CALCOCO2: variants seen among roughly 807,000 people sequenced by gnomAD.
CALCOCO2 encodes the protein calcium binding and coiled-coil domain 2.
Under a neutral mutation model 62.5 loss-of-function variants are expected in CALCOCO2, and 42 were observed. The observed-to-expected ratio is 0.67, with a 90% CI of 0.53 to 0.87. The LOEUF (loss-of-function observed/expected upper bound fraction) is 0.87. CALCOCO2 is among the 40% of genes least tolerant of loss of function. The pLI, the probability that CALCOCO2 is intolerant of heterozygous loss-of-function variation, is 0.00. For missense variants in CALCOCO2, 456 were observed against 515.0 expected (o/e 0.89, Z 1.11); for synonymous variants, 167 against 173.0 (o/e 0.97, Z 0.27).
In CALCOCO2 at chr17:48,863,975, A is replaced by G. The variant is rs1297315944; in HGVS notation, c.*970A>G. 1.3e-5 allele frequency: 2 copies of G among 152,150 alleles called. No homozygotes were observed. The highest frequency in any genetic ancestry group is 1.9e-4 in the East Asian group (1 of 5,194). The allele number at this position is 152,150 out of a possible 1,614,324, so 9.4% of individuals were successfully genotyped here. A position where few individuals can be genotyped will look rare whatever the true frequency, so the allele number is the denominator to read the frequency against. The stretch of plus-strand genomic sequence containing the variant: ...CTCTTCACCTGTCTTAAGATTAAAT[A>G]AAAAAGAGTGTCCTGGCAGTTATCT... On this transcript the variant is annotated 3_prime_UTR_variant, in exon 13 of 13. Transcript: ENST00000258947.
At chr17:48,851,433 T>G in intron 6 of CALCOCO2, 126 bp from the exon 7 acceptor site, 1 of 675,674 alleles carries the variant, frequency 1.5e-6, no homozygotes, top group Non-Finnish European at 2.7e-6. Flanking sequence ...AGGACTGCAA[T>G]GGAGACTAGT....
chr17:48,850,780 C>A (rs2040117242), intron 5 of CALCOCO2, among the ~76,000 whole-genome samples: 2 of 151,678 alleles, frequency 1.3e-5, no homozygotes, highest in Admixed American at 1.3e-4. Flanking sequence ...TGACCAGGCG[C>A]AGTGGCTCAT....
At chr17:48,849,784 A>G (rs1025854950) in intron 5 of CALCOCO2, among the ~76,000 whole-genome samples, 4 of 152,012 alleles carry the variant, frequency 2.6e-5, no homozygotes, top group African/African-American at 9.7e-5. Context: ...GATTATAGGC[A>G]TGAGCCACCG....
chr17:48,863,443 C>T lies in CALCOCO2; in HGVS notation c.*438C>T, dbSNP rs2040355251. The stretch of plus-strand genomic sequence containing the variant: ...GTCCGAGGTTGAGAATTCCTTCCTC[C>T]TCATCCTTGGTGTTGCTTTCTCCAA... On this transcript the variant is annotated 3_prime_UTR_variant, in exon 13 of 13. Coordinates refer to ENST00000258947, the MANE Select transcript of CALCOCO2 (RefSeq NM_005831.5). The T allele has an allele frequency of 5.9e-6, 1 of 170,790 alleles. No homozygotes were observed. The highest frequency in any genetic ancestry group is 5.5e-5 in the Admixed American group (1 of 18,186). The allele number at this position is 170,790 out of a possible 1,614,324, so 10.6% of individuals were successfully genotyped here.
At chr17:48,862,184 A>G in intron 11 of CALCOCO2, 92 bp from the exon 12 acceptor site, 1 of 860,686 alleles carries the variant, frequency 1.2e-6, no homozygotes, top group Non-Finnish European at 2.0e-6. Context: ...AAAGGGAACA[A>G]TGAAAGTTAC....
At chr17:48,848,555 G>T in intron 4 of CALCOCO2, 100 bp downstream of exon 4, 1 of 1,069,996 alleles carries the variant, frequency 9.3e-7, no homozygotes, top group Non-Finnish European at 1.4e-6. Flanking sequence ...AATATCTAAC[G>T]GGTATCATTG....
At chr17:48,852,791 T>TC in intron 8 of CALCOCO2, 135 bp from the exon 9 acceptor site, 2 of 983,594 alleles carry the variant, frequency 2.0e-6, no homozygotes, top group Non-Finnish European at 3.1e-6. Flanking sequence ...CATGGCTTTC[T>TC]TCAGAAACTG....
intron 2 of CALCOCO2, among the ~76,000 whole-genome samples, chr17:48,844,239 G>C (rs2040015812): frequency 6.6e-6 from 1 of 152,136 alleles, no homozygotes; most frequent in Non-Finnish European, 1.5e-5. Flanking sequence ...ATAGCTTCAT[G>C]TGGCTAGTGG....
At chr17:48,855,878 AAAAAT>A in intron 9 of CALCOCO2, 1 of 283,340 alleles carries the variant, frequency 3.5e-6, no homozygotes, top group Non-Finnish European at 6.6e-6. Flanking sequence ...AAAAAAAAAA[AAAAAT>A]TGGCATCTTG....
intron 10 of CALCOCO2, 73 bp downstream of exon 10, chr17:48,856,260 G>GA (rs943907301): frequency 2.5e-6 from 2 of 802,796 alleles, no homozygotes; most frequent in Non-Finnish European, 4.1e-6. Context: ...GAGATGTAGT[G>GA]AAAAAAATAA....
chr17:48,852,072 A>C (rs932432081), intron 7 of CALCOCO2, among the ~76,000 whole-genome samples: 65 of 151,948 alleles, frequency 4.3e-4, no homozygotes, highest in African/African-American at 1.5e-3. Context: ...CCGGAGGCAA[A>C]GGTTGCAGTG....
At chr17:48,847,701 G>C (rs2040071117) in intron 2 of CALCOCO2, 1 of 158,172 alleles carries the variant, frequency 6.3e-6, no homozygotes, top group East Asian at 1.8e-4. Flanking sequence ...TGTCACCCAG[G>C]CTGGAGTGCA....
At chr17:48,851,453 A>T in intron 6 of CALCOCO2, 106 bp from the exon 7 acceptor site, 1 of 730,742 alleles carries the variant, frequency 1.4e-6, no homozygotes, top group South Asian at 1.6e-5. Flanking sequence ...TAGATTTTTA[A>T]ATAATTCTGC....
At chr17:48,854,398 T>TATATATATA (rs1567757340) in intron 9 of CALCOCO2, among the ~76,000 whole-genome samples, 18 of 1,346 alleles carry the variant, frequency 0.013, no homozygotes, top group African/African-American at 0.019. Context: ...ATATATATAT[T>TATATATATA]TTTTTTTTTT....
chr17:48,849,192 CCTATGGGA>C, intron 4 of CALCOCO2, 52 bp from the exon 5 acceptor site: 2 of 1,558,788 alleles, frequency 1.3e-6, no homozygotes, highest in Non-Finnish European at 1.8e-6. Context: ...ACCATCCTAA[CCTATGGGA>C]ATTTTCTGCT....
rs757300435 is a variant in CALCOCO2, at chr17:48,851,164, A to G, written c.619A>G (p.Thr207Ala). 4.4e-6 allele frequency: 7 copies of G among 1,601,262 alleles called. No homozygotes were observed. In the Admixed American group the frequency reaches 5.0e-5, roughly 11 times the overall value. Residue 207 changes from threonine (T) to alanine (A), a missense_variant, in exon 6 of 13, where the codon ACA (threonine) becomes GCA (alanine). This residue lies in a region of CALCOCO2 where 236 missense variants were observed against 225.3 expected (regional missense o/e 1.05). Coordinates refer to ENST00000258947, the MANE Select transcript of CALCOCO2 (RefSeq NM_005831.5). The part of the protein sequence containing the change: ...KVKEQKDYWE[T>A]ELLQLKEQNQ... The stretch of plus-strand genomic sequence containing the variant: ...GAAAGAACAGAAGGACTATTGGGAG[A>G]CAGAGCTGCTTCAGTGAGTGCATCC...
intron 10 of CALCOCO2, among the ~76,000 whole-genome samples, chr17:48,856,784 T>C (rs939638510): frequency 1.3e-5 from 2 of 151,754 alleles, no homozygotes; most frequent in Admixed American, 6.6e-5. Flanking sequence ...TTTTCTTTTT[T>C]TTTTTTTTCT....
intron 9 of CALCOCO2, among the ~76,000 whole-genome samples, chr17:48,855,395 A>G (rs1445814594): frequency 6.6e-6 from 1 of 152,226 alleles, no homozygotes; most frequent in African/African-American, 2.4e-5. Context: ...AGACATGCAC[A>G]GCAGTTTGGG....
intron 9 of CALCOCO2, among the ~76,000 whole-genome samples, chr17:48,853,564 G>A (rs769489137): frequency 6.6e-6 from 1 of 152,144 alleles, no homozygotes; most frequent in African/African-American, 2.4e-5. Context: ...TGATGTCTGA[G>A]GGATATCCAG....
Sources: allele counts gnomAD v4.1 joint callset (sites outside exome capture counted in the v4.1 genomes callset), GRCh38; gene constraint gnomAD v4.1.1; regional missense constraint gnomAD v4.1.1; transcripts MANE v1.5; gene names NCBI Gene and HGNC (gene_info 2026-07-23, HGNC 2026-07-21).